The following CDK17 variants were observed in gnomAD, a reference collection of about 807,000 sequenced individuals.
The protein encoded by CDK17 is cyclin dependent kinase 17.
In CDK17, 24 loss-of-function variants were observed where a neutral mutation model predicts 77.6. The observed-to-expected ratio is 0.31, with a 90% CI of 0.22 to 0.44. CDK17 has a LOEUF of 0.44. Among genes scored for constraint, CDK17 ranks in the 20% least tolerant of loss-of-function variants. The pLI is 1.00. For synonymous variants in CDK17, 203 were observed against 210.4 expected, an observed-to-expected ratio of 0.96 and a Z score of 0.30; for missense variants, 429 against 622.5, an observed-to-expected ratio of 0.69 and a Z score of 3.31.
chr12:96,379,791 A>G (rs754986129), intron 1 of CDK17, among the ~76,000 whole-genome samples: 25 of 152,286 alleles, frequency 1.6e-4, no homozygotes, highest in Non-Finnish European at 5.9e-5. Context: ...AATTTCTAAC[A>G]TATCGAAACA....
At chr12:96,288,410 G>C (rs956256985) in intron 11 of CDK17, among the ~76,000 whole-genome samples, 2 of 152,134 alleles carry the variant, frequency 1.3e-5, no homozygotes, top group Admixed American at 1.3e-4. Context: ...CTAGGAATGA[G>C]CCCAAGTTAG....
intron 2 of CDK17, 46 bp downstream of exon 2, chr12:96,334,673 A>T: frequency 1.0e-6 from 1 of 959,142 alleles, no homozygotes. Context: ...TCTATTCATA[A>T]AGTAATTAAA....
Position 96,359,654 on chromosome 12 carries a change from A to G in CDK17, c.-29-24789T>C, listed in dbSNP as rs528697103. 6.6e-5 allele frequency among the ~76,000 whole-genome samples: 10 copies of G among 152,368 alleles called. No individual in the cohort carries two copies. In the East Asian group the frequency reaches 1.9e-3, roughly 29 times the overall value. Reference sequence around the variant, plus strand: ...AGCTAAACAATTTTCACAATTTCATAACATTTTGGCATTTGGAGACAAACA... The same window carrying G: ...AGCTAAACAATTTTCACAATTTCATGACATTTTGGCATTTGGAGACAAACA... On this transcript the variant is annotated intron_variant, in intron 1 of 16. Coordinates refer to ENST00000261211, the MANE Select transcript of CDK17 (RefSeq NM_002595.5).
intron 1 of CDK17, among the ~76,000 whole-genome samples, chr12:96,358,386 A>AG (rs1313175563): frequency 6.6e-6 from 1 of 150,834 alleles, no homozygotes; most frequent in African/African-American, 2.4e-5. Flanking sequence ...AAAAAAAAAA[A>AG]AAAAAAAAAA....
chr12:96,292,788 T>C (rs1208491598), intron 10 of CDK17, among the ~76,000 whole-genome samples: 2 of 152,216 alleles, frequency 1.3e-5, no homozygotes, highest in East Asian at 3.9e-4. Flanking sequence ...GTTTACTTTC[T>C]AGAAGCAAAA....
intron 1 of CDK17, among the ~76,000 whole-genome samples, chr12:96,348,550 G>GA (rs1279476281): frequency 7.5e-4 from 91 of 121,098 alleles, no homozygotes; most frequent in Middle Eastern, 4.1e-3. Context: ...AAACAAAAAA[G>GA]AAAAAAAAAA....
chr12:96,345,944 A>T (rs1953203994), intron 1 of CDK17, among the ~76,000 whole-genome samples: 1 of 152,264 alleles, frequency 6.6e-6, no homozygotes, highest in South Asian at 2.1e-4. Context: ...CCTTATCAGT[A>T]TTTTAAATGT....
chr12:96,375,109 T>C (rs994272383), intron 1 of CDK17, among the ~76,000 whole-genome samples: 2 of 152,172 alleles, frequency 1.3e-5, no homozygotes, highest in Non-Finnish European at 2.9e-5. Context: ...TGATGACCCT[T>C]TCCCTAACCC....
In CDK17 at chr12:96,278,280, C is replaced by G. The variant is rs191954085; in HGVS notation, c.*1962G>C. The G allele has an allele frequency of 6.6e-6, 1 of 151,952 alleles. No individual in the cohort carries two copies. Among genetic ancestry groups the G allele is most frequent in the African/African-American group, 2.4e-5 (1 of 41,392 alleles). The allele number at this position is 151,952 out of a possible 1,614,324, so 9.4% of individuals were successfully genotyped here. A position where few individuals can be genotyped will look rare whatever the true frequency, so the allele number is the denominator to read the frequency against. The stretch of plus-strand genomic sequence containing the variant: ...TGGATATATATTTTCATCTTTTATA[C>G]GCAAGAATTAAGCCTATGAAAAGCT... On this transcript the variant is annotated 3_prime_UTR_variant, in exon 17 of 17. Transcript: ENST00000261211.
In CDK17 at chr12:96,297,663, G is replaced by T; in HGVS notation, c.774C>A (p.His258Gln). 1 of 1,605,560 alleles carries T rather than the reference G, an allele frequency of 6.2e-7. No homozygotes were observed. The highest frequency in any genetic ancestry group is 8.5e-7 in the Non-Finnish European group (1 of 1,173,436). Residue 258 changes from histidine to glutamine, a missense_variant, in exon 8 of 17, where the codon CAC (histidine) becomes CAA (glutamine). This residue lies in a region of CDK17 where 262 missense variants were observed against 385.4 expected (regional missense o/e 0.68). Transcript: ENST00000261211. ...ACACCAAAGTCAAGGATTTATCTGTGTGAACAATGTCATGTAAGGTTACTA... is the reference window on the plus strand; with the variant it reads ...ACACCAAAGTCAAGGATTTATCTGTTTGAACAATGTCATGTAAGGTTACTA... ...ANIVTLHDIV[H>Q]TDKSLTLVFE...
rs1284115709 is a variant in CDK17, at chr12:96,317,556, G to A, written c.284-4102C>T. Among the ~76,000 whole-genome samples the A allele has an allele frequency of 5.2e-4, 61 of 117,340 alleles. 1 individual carries two copies. Among genetic ancestry groups the A allele is most frequent in the African/African-American group, 1.8e-3 (58 of 31,496 alleles). The allele number at this position is 117,340 out of a possible 152,430, so 77.0% of individuals were successfully genotyped here. A position where few individuals can be genotyped will look rare whatever the true frequency, so the allele number is the denominator to read the frequency against. On this transcript the variant is annotated intron_variant, in intron 3 of 16. Coordinates refer to ENST00000261211, the MANE Select transcript of CDK17 (RefSeq NM_002595.5). ...TTAAGGGCAGCCAGAGAGAAAGGTC[G>A]GGTTACCCTCAAAGGGAAGCCCATC...
At chr12:96,285,995 G>A in intron 13 of CDK17, 48 bp downstream of exon 13, 1 of 909,252 alleles carries the variant, frequency 1.1e-6, no homozygotes, top group Non-Finnish European at 1.8e-6. Flanking sequence ...TCAAAAGATT[G>A]AAAAGAATCA....
chr12:96,316,696 C>G lies in CDK17; in HGVS notation c.284-3242G>C, dbSNP rs1251978673. On this transcript the variant is annotated intron_variant, in intron 3 of 16. Coordinates refer to ENST00000261211, the MANE Select transcript of CDK17 (RefSeq NM_002595.5). Reference sequence around the variant, plus strand: ...TGTGAGGCACCCCCCAGCAGGGGCACACTGACACCTCACACGGCAGGGTAT... The same window carrying G: ...TGTGAGGCACCCCCCAGCAGGGGCAGACTGACACCTCACACGGCAGGGTAT... Among the ~76,000 whole-genome samples the G allele has an allele frequency of 2.6e-4, 33 of 126,798 alleles. 2 individuals carry two copies. The highest frequency in any genetic ancestry group is 3.8e-3 in the Middle Eastern group (1 of 266). The allele number at this position is 126,798 out of a possible 152,430, so 83.2% of individuals were successfully genotyped here.
chr12:96,280,939 C>T, intron 15 of CDK17, 54 bp from the exon 16 acceptor site: 2 of 1,374,534 alleles, frequency 1.5e-6, no homozygotes, highest in Admixed American at 1.8e-5. Flanking sequence ...AAAACAAACA[C>T]AACCCTACTA....
chr12:96,287,487 T>C (rs1300101392), intron 11 of CDK17, among the ~76,000 whole-genome samples: 3 of 151,984 alleles, frequency 2.0e-5, no homozygotes, highest in African/African-American at 7.3e-5. Flanking sequence ...CTATGGAAAA[T>C]AGTATGGTGG....
intron 1 of CDK17, among the ~76,000 whole-genome samples, chr12:96,339,948 A>G (rs938579869): frequency 4.6e-5 from 7 of 152,074 alleles, no homozygotes; most frequent in African/African-American, 1.7e-4. Context: ...AAAATAAAAT[A>G]AAATAATGTT....
At chr12:96,378,461 T>C (rs1953823507) in intron 1 of CDK17, among the ~76,000 whole-genome samples, 2 of 152,200 alleles carry the variant, frequency 1.3e-5, no homozygotes, top group South Asian at 4.1e-4. Context: ...ACAGTTTTAT[T>C]AGCTGCCCCA....
At chr12:96,294,266 A>G (rs1287566113) in intron 10 of CDK17, among the ~76,000 whole-genome samples, 1 of 152,200 alleles carries the variant, frequency 6.6e-6, no homozygotes, top group East Asian at 1.9e-4. Context: ...TGTAACTGAC[A>G]GTTTTCCCTT....
chr12:96,376,905 G>A (rs184569562), intron 1 of CDK17, among the ~76,000 whole-genome samples: 2 of 152,212 alleles, frequency 1.3e-5, no homozygotes, highest in Admixed American at 1.3e-4. Context: ...CTGATAATCA[G>A]TAGAAAAAAT....
Sources: gnomAD v4.1 joint callset for allele counts (sites outside exome capture counted in the v4.1 genomes callset) on GRCh38, gnomAD v4.1.1 for gene constraint, gnomAD v4.1.1 regional missense constraint, MANE v1.5 for transcripts, NCBI Gene and HGNC (gene_info 2026-07-23, HGNC 2026-07-21) for gene names.